The following KRTCAP2 variants were observed in gnomAD, a reference collection of about 807,000 sequenced individuals.
The protein encoded by KRTCAP2 is keratinocyte associated protein 2.
A neutral mutation model predicts 16.5 loss-of-function variants in KRTCAP2; 10 were observed. That is an observed-to-expected ratio of 0.60 (90% confidence interval 0.37 to 1.02). The LOEUF (loss-of-function observed/expected upper bound fraction) is 1.02. Ranked by LOEUF, KRTCAP2 falls within the 50% of genes least tolerant of loss-of-function variation. The pLI, the probability that KRTCAP2 is intolerant of heterozygous loss-of-function variation, is 0.01. For missense variants in KRTCAP2, 152 were observed against 159.6 expected, an observed-to-expected ratio of 0.95 and a Z score of 0.26; for synonymous variants, 68 against 69.8, an observed-to-expected ratio of 0.97 and a Z score of 0.13.
intron 3 of KRTCAP2, 98 bp downstream of exon 3, chr1:155,172,467 T>A: frequency 6.3e-7 from 1 of 1,599,434 alleles, no homozygotes; most frequent in Non-Finnish European, 8.5e-7. Context: ...ATATTTCTCC[T>A]TAACAACCTT....
intron 1 of KRTCAP2, 155 bp downstream of exon 1, chr1:155,173,066 G>T (rs919441739): frequency 1.6e-5 from 15 of 934,902 alleles, no homozygotes; most frequent in Non-Finnish European, 2.0e-5. Context: ...GTATTCCCCA[G>T]CCCCGGACAC....
intron 3 of KRTCAP2, 177 bp from the exon 4 acceptor site, chr1:155,170,034 T>TA: frequency 1.9e-6 from 1 of 538,818 alleles, no homozygotes; most frequent in Non-Finnish European, 3.4e-6. Context: ...AACATGGAGG[T>TA]AGGAGGTTGA....
rs1665174002 is a variant in KRTCAP2, at chr1:155,169,418, C to A, written c.*22G>T. 6.2e-7 allele frequency: 1 copy of A among 1,612,852 alleles called. No homozygotes were observed. Among genetic ancestry groups the A allele is most frequent in the South Asian group, 1.1e-5 (1 of 90,860 alleles). On this transcript the variant is annotated 3_prime_UTR_variant, in exon 5 of 5. Transcript: ENST00000295682. ...CACAACTCACAGAGCTACAAAGAATCAACTTTATTGAACATTCAGGGTCAG... is the reference window on the plus strand; with the variant it reads ...CACAACTCACAGAGCTACAAAGAATAAACTTTATTGAACATTCAGGGTCAG...
rs756161276 is a variant in KRTCAP2, at chr1:155,173,283, G to A, written c.-59C>T. ...GGCCAAGAAAGGCGAGCTGAACCGG[G>A]TGCGGTTAGCTATGCGCATGCGTCA... On this transcript the variant is annotated 5_prime_UTR_variant, in exon 1 of 5. Coordinates refer to ENST00000295682, the MANE Select transcript of KRTCAP2 (RefSeq NM_173852.4). 1 of 1,614,020 alleles carries A rather than the reference G, an allele frequency of 6.2e-7. No individual in the cohort carries two copies. The highest frequency in any genetic ancestry group is 8.5e-7 in the Non-Finnish European group (1 of 1,179,948).
At chr1:155,171,598 C>G in intron 3 of KRTCAP2, 1 of 984,332 alleles carries the variant, frequency 1.0e-6, no homozygotes, top group Non-Finnish European at 1.2e-6. Flanking sequence ...TGGCTCACAC[C>G]TGTAATTCCA....
At chr1:155,173,031 C>T (rs1553193605) in intron 1 of KRTCAP2, 139 bp from the exon 2 acceptor site, 1 of 1,016,106 alleles carries the variant, frequency 9.8e-7, no homozygotes, top group Non-Finnish European at 1.5e-6. Flanking sequence ...CGCCCCAACT[C>T]CCCACACCGC....
chr1:155,170,548 G>C (rs1665209158), intron 3 of KRTCAP2: 1 of 152,296 alleles, frequency 6.6e-6, no homozygotes, highest in African/African-American at 2.4e-5. Context: ...CAGACAATGA[G>C]AGTCAATTCA....
intron 1 of KRTCAP2, 80 bp downstream of exon 1, chr1:155,173,141 C>T: frequency 7.9e-7 from 1 of 1,267,334 alleles, no homozygotes; most frequent in Non-Finnish European, 1.1e-6. Flanking sequence ...TCAGCTCTGT[C>T]GGGAGAGGAC....
At chr1:155,172,685 G>C in intron 2 of KRTCAP2, 53 bp downstream of exon 2, 2 of 1,614,110 alleles carry the variant, frequency 1.2e-6, no homozygotes, top group East Asian at 2.2e-5. Flanking sequence ...GTGTGGGGAA[G>C]GGGAAGGGCA....
chr1:155,172,578 C>G lies in KRTCAP2; in HGVS notation c.210G>C (p.Lys70Asn). 1 of 1,614,244 alleles carries G rather than the reference C, an allele frequency of 6.2e-7. No individual in the cohort carries two copies. The highest frequency in any genetic ancestry group is 8.5e-7 in the Non-Finnish European group (1 of 1,180,050). The change falls in exon 3 of 5, where the codon AAG (lysine) becomes AAC (asparagine). Residue 70 changes from lysine (K) to asparagine (N), a missense_variant. Lys to Asn is a moderately conservative substitution (Grantham distance 94, BLOSUM62 0). Coordinates refer to ENST00000295682, the MANE Select transcript of KRTCAP2 (RefSeq NM_173852.4). ...ATATTCACTTACTCTCAGGGAAGAT[C>G]TTTGCTTGGAATCCTTTGCCAAAGA... ...NLVFGKGFQA[K>N]IFPEILLCLL...
rs771405543 is a variant in KRTCAP2 at position 155,173,258 on chromosome 1, G to C, written c.-34C>G. 26 of 1,614,002 alleles carry C rather than the reference G, an allele frequency of 1.6e-5. No homozygotes were observed. The South Asian group carries it at 1.8e-4, about 11-fold the overall frequency. On this transcript the variant is annotated 5_prime_UTR_variant, in exon 1 of 5. Transcript: ENST00000295682. Reference sequence around the variant, plus strand: ...GCCCGTGAGTCCAACCGGCGCCTCTGGCCAAGAAAGGCGAGCTGAACCGGG... The same window carrying C: ...GCCCGTGAGTCCAACCGGCGCCTCTCGCCAAGAAAGGCGAGCTGAACCGGG...
At chr1:155,172,237 C>A in intron 3 of KRTCAP2, 1 of 1,203,488 alleles carries the variant, frequency 8.3e-7, no homozygotes, top group Non-Finnish European at 1.0e-6. Context: ...TGAACTTGGT[C>A]CTGCTGCTTC....
intron 4 of KRTCAP2, 98 bp from the exon 5 acceptor site, chr1:155,169,658 C>T (rs1042494010): frequency 6.8e-7 from 1 of 1,479,738 alleles, no homozygotes; most frequent in African/African-American, 1.4e-5. Flanking sequence ...AATCCAAGTT[C>T]AAGTTTAGGA....
chr1:155,173,073 AC>A (rs1377845611), intron 1 of KRTCAP2, 147 bp downstream of exon 1: 1 of 939,454 alleles, frequency 1.1e-6, no homozygotes, highest in African/African-American at 1.6e-5. Flanking sequence ...CCAGCCCCGG[AC>A]ACCCCGAACC....
At chr1:155,170,968 C>G (rs1181245883) in intron 3 of KRTCAP2, 1 of 152,112 alleles carries the variant, frequency 6.6e-6, no homozygotes, top group African/African-American at 2.4e-5. Flanking sequence ...ACCACCATGC[C>G]CGGCTAATTT....
At position 155,173,250 on chromosome 1, in the gene KRTCAP2, G is replaced by T; in HGVS notation, c.-26C>A. 6.2e-7 allele frequency: 1 copy of T among 1,614,062 alleles called. No individual in the cohort carries two copies. The highest frequency in any genetic ancestry group is 8.5e-7 in the Non-Finnish European group (1 of 1,180,012). On this transcript the variant is annotated 5_prime_UTR_variant, in exon 1 of 5. Transcript: ENST00000295682. Reference sequence around the variant, plus strand: ...CATGCCCCGCCCGTGAGTCCAACCGGCGCCTCTGGCCAAGAAAGGCGAGCT... The same window carrying T: ...CATGCCCCGCCCGTGAGTCCAACCGTCGCCTCTGGCCAAGAAAGGCGAGCT...
At chr1:155,171,847 CAAA>C (rs56344097) in intron 3 of KRTCAP2, 15,731 of 642,428 alleles carry the variant, frequency 0.024, 1 homozygote, top group Non-Finnish European at 0.026. Context: ...AGCCTTGTCT[CAAA>C]AAAAAAAAAA....
In KRTCAP2 at chr1:155,170,114, AG is replaced by A. The variant is rs546967684; in HGVS notation, c.224-258del. Reference sequence around the variant, plus strand: ...GGTGGGCAGATCACTTGAGCCCAGGAGTTTGAGACCAGCCTGAACAACAAAG... The same window carrying A: ...GGTGGGCAGATCACTTGAGCCCAGGATTTGAGACCAGCCTGAACAACAAAG... On this transcript the variant is annotated intron_variant, in intron 3 of 4. Coordinates refer to ENST00000295682, the MANE Select transcript of KRTCAP2 (RefSeq NM_173852.4). The A allele has an allele frequency of 3.5e-4, 127 of 358,380 alleles. 1 individual carries two copies. The East Asian group carries it at 6.3e-3, about 18-fold the overall frequency. 22.2% of individuals were successfully genotyped at this position (358,380 alleles called of 1,614,324 possible). A position where few individuals can be genotyped will look rare whatever the true frequency, so the allele number is the denominator to read the frequency against.
chr1:155,171,723 T>G (rs947583369), intron 3 of KRTCAP2: 2 of 500,142 alleles, frequency 4.0e-6, no homozygotes, highest in African/African-American at 4.2e-5. Context: ...CTGGGTGTGG[T>G]GGCACTCACT....
Sources: gnomAD v4.1 joint callset for allele counts on GRCh38, gnomAD v4.1.1 for gene constraint, MANE v1.5 for transcripts, NCBI Gene and HGNC (gene_info 2026-07-23, HGNC 2026-07-21) for gene names.